The following JARID2 variants were observed in gnomAD, a reference collection of about 807,000 sequenced individuals.
JARID2 encodes the protein jumonji and AT-rich interaction domain containing 2.
In JARID2, 21 loss-of-function variants were observed where a neutral mutation model predicts 125.6. The ratio of observed to expected loss-of-function variants is 0.17; its 90% CI spans 0.12 to 0.24. The LOEUF (loss-of-function observed/expected upper bound fraction) is 0.24. Ranked by LOEUF, JARID2 falls within the 10% of genes least tolerant of loss-of-function variation. JARID2 has a pLI of 1.00. For synonymous variants in JARID2, 736 were observed against 661.6 expected, an observed-to-expected ratio of 1.11 and a Z score of -1.73; for missense variants, 1,303 against 1,639.6, an observed-to-expected ratio of 0.79 and a Z score of 3.55.
At chr6:15,293,796 T>G (rs1157865507) in intron 1 of JARID2, among the ~76,000 whole-genome samples, 1 of 152,238 alleles carries the variant, frequency 6.6e-6, no homozygotes, top group Non-Finnish European at 1.5e-5. Context: ...GTTGTTCTGC[T>G]TAAGTGGGTA....
chr6:15,456,105 C>G (rs1768164227), intron 4 of JARID2, among the ~76,000 whole-genome samples: 1 of 152,192 alleles, frequency 6.6e-6, no homozygotes, highest in African/African-American at 2.4e-5. Context: ...CAGGGAATGT[C>G]TCAGTGATTC....
chr6:15,318,461 GT>G lies in JARID2; in HGVS notation c.46-55651del, dbSNP rs368715942. ...TTCCATGTCCAGCAAGAACTTCCAGGTTTTTGTTGTTTTTTGTTTATGCTTT... is the reference window on the plus strand; with the variant it reads ...TTCCATGTCCAGCAAGAACTTCCAGGTTTTGTTGTTTTTTGTTTATGCTTT... On this transcript the variant is annotated intron_variant, in intron 1 of 17. Transcript: ENST00000341776. Among the ~76,000 whole-genome samples, 280 of 152,314 alleles carry G rather than the reference GT, an allele frequency of 1.8e-3. 1 individual carries two copies. The highest frequency in any genetic ancestry group is 6.6e-3 in the African/African-American group (275 of 41,572).
At chr6:15,370,384 T>TGCA (rs1373482574) in intron 1 of JARID2, among the ~76,000 whole-genome samples, 1 of 146,226 alleles carries the variant, frequency 6.8e-6, no homozygotes, top group East Asian at 2.1e-4. Flanking sequence ...GGCTGTAGTG[T>TGCA]GCAGTGGCAC....
At chr6:15,407,604 G>A (rs137861831) in intron 2 of JARID2, among the ~76,000 whole-genome samples, 5 of 152,094 alleles carry the variant, frequency 3.3e-5, no homozygotes, top group South Asian at 2.1e-4. Context: ...TATTTAGTTC[G>A]TTTTTTATAC....
chr6:15,518,697 G>A (rs919833032), intron 17 of JARID2, among the ~76,000 whole-genome samples: 1 of 152,198 alleles, frequency 6.6e-6, no homozygotes, highest in Non-Finnish European at 1.5e-5. Flanking sequence ...GGTCAGGCTG[G>A]TCTCAAACTC....
At chr6:15,307,734 C>G (rs374912390) in intron 1 of JARID2, among the ~76,000 whole-genome samples, 56 of 152,240 alleles carry the variant, frequency 3.7e-4, no homozygotes, top group African/African-American at 1.3e-3. Flanking sequence ...CTACTAGGTT[C>G]TCCCTTTACT....
At chr6:15,285,376 C>T (rs145244762) in intron 1 of JARID2, among the ~76,000 whole-genome samples, 9,653 of 152,158 alleles carry the variant, frequency 0.063, 356 homozygotes, top group African/African-American at 0.085. Context: ...CCGCCTGCCT[C>T]GGCCTCCTAA....
intron 1 of JARID2, among the ~76,000 whole-genome samples, chr6:15,283,921 A>G (rs1411308180): frequency 1.3e-5 from 2 of 151,334 alleles, no homozygotes; most frequent in African/African-American, 4.9e-5. Context: ...GTTAGCCAGG[A>G]TGGTCTCCAT....
In JARID2 at chr6:15,306,328, CTT is replaced by C. The variant is rs398000594; in HGVS notation, c.45+59766_45+59767del. Among the ~76,000 whole-genome samples, 709 of 99,214 alleles carry C rather than the reference CTT, an allele frequency of 7.1e-3. 7 individuals are homozygous for C. Among genetic ancestry groups the C allele is most frequent in the East Asian group, 0.053 (157 of 2,946 alleles). 65.1% of individuals were successfully genotyped at this position (99,214 alleles called of 152,430 possible). ...TCTCATTAACAACATAGTCATATTTCTTTTTTTTTTTTTTTTTTTTTTTGAGA... is the reference window on the plus strand; with the variant it reads ...TCTCATTAACAACATAGTCATATTTCTTTTTTTTTTTTTTTTTTTTTGAGA... On this transcript the variant is annotated intron_variant, in intron 1 of 17. Transcript: ENST00000341776.
At chr6:15,314,816 G>T (rs938078163) in intron 1 of JARID2, 4 of 152,198 alleles carry the variant, frequency 2.6e-5, no homozygotes, top group Non-Finnish European at 5.9e-5. Flanking sequence ...ATTACTGTTG[G>T]TTTCCCGACT....
At chr6:15,318,383 A>G (rs143360951) in intron 1 of JARID2, among the ~76,000 whole-genome samples, 2 of 152,372 alleles carry the variant, frequency 1.3e-5, no homozygotes, top group East Asian at 3.8e-4. Flanking sequence ...GATGAGGCAC[A>G]TAGTTGTCTA....
chr6:15,509,210 T>C, intron 12 of JARID2: 6 of 1,228,258 alleles, frequency 4.9e-6, no homozygotes, highest in Non-Finnish European at 5.2e-6. Context: ...CTGGACTCTT[T>C]GGTGTCTTTG....
intron 1 of JARID2, among the ~76,000 whole-genome samples, chr6:15,320,842 C>CTGTGTGTGTGTGTG (rs1762326773): frequency 7.0e-6 from 1 of 143,012 alleles, no homozygotes; most frequent in East Asian, 2.0e-4. Context: ...GATTCATTCT[C>CTGTGTGTGTGTGTG]TCTCTCTCTC....
intron 2 of JARID2, among the ~76,000 whole-genome samples, chr6:15,385,481 A>G (rs1470331909): frequency 6.6e-6 from 1 of 151,080 alleles, no homozygotes; most frequent in Non-Finnish European, 1.5e-5. Flanking sequence ...ATTTATTTAT[A>G]TAGATTTTTT....
At chr6:15,416,652 C>G (rs867084408) in intron 3 of JARID2, among the ~76,000 whole-genome samples, 2 of 141,844 alleles carry the variant, frequency 1.4e-5, no homozygotes, top group African/African-American at 2.7e-5. Flanking sequence ...AGTCCAGCTT[C>G]GGCTTGGCAT....
At chr6:15,487,020 G>A (rs536336305) in intron 5 of JARID2, among the ~76,000 whole-genome samples, 1 of 152,050 alleles carries the variant, frequency 6.6e-6, no homozygotes, top group East Asian at 1.9e-4. Context: ...TGTGGAAGTC[G>A]AAGGGGAAGC....
At chr6:15,383,342 G>C (rs376261176) in intron 2 of JARID2, among the ~76,000 whole-genome samples, 1 of 151,224 alleles carries the variant, frequency 6.6e-6, no homozygotes, top group African/African-American at 2.4e-5. Flanking sequence ...TTTCTATAAG[G>C]GTCTCTCTAG....
intron 3 of JARID2, among the ~76,000 whole-genome samples, chr6:15,440,182 T>A (rs1185114199): frequency 6.6e-6 from 1 of 152,254 alleles, no homozygotes; most frequent in Non-Finnish European, 1.5e-5. Context: ...TACTCACTGC[T>A]CATCTGTTGT....
At chr6:15,356,385 C>T (rs1176145265) in intron 1 of JARID2, among the ~76,000 whole-genome samples, 1 of 152,122 alleles carries the variant, frequency 6.6e-6, no homozygotes, top group Non-Finnish European at 1.5e-5. Flanking sequence ...TATGAGGTTT[C>T]CCGTTTCTTC....
Sources: allele counts gnomAD v4.1 joint callset (sites outside exome capture counted in the v4.1 genomes callset), GRCh38; gene constraint gnomAD v4.1.1; transcripts MANE v1.5; gene names NCBI Gene and HGNC (gene_info 2026-07-23, HGNC 2026-07-21).